The following NFIA variants were observed in gnomAD, a reference collection of about 807,000 sequenced individuals.
NFIA encodes nuclear factor I A, also known as nuclear factor 1 A-type.
Under a neutral mutation model 62.8 loss-of-function variants are expected in NFIA, and 8 were observed. The observed-to-expected ratio is 0.13, with a 90% CI of 0.07 to 0.23. The LOEUF (loss-of-function observed/expected upper bound fraction) is 0.23. Ranked by LOEUF, NFIA falls within the 10% of genes least tolerant of loss-of-function variation. The probability of loss-of-function intolerance (pLI) is 1.00; values close to 1 mark genes in which losing one functional copy is unlikely to be tolerated. For synonymous variants in NFIA, 235 were observed against 238.1 expected, an observed-to-expected ratio of 0.99 and a Z score of 0.12; for missense variants, 410 against 642.1, an observed-to-expected ratio of 0.64 and a Z score of 3.91.
chr1:61,099,792 A>T (rs1205375351), intron 2 of NFIA, among the ~76,000 whole-genome samples: 1 of 152,202 alleles, frequency 6.6e-6, no homozygotes, highest in African/African-American at 2.4e-5. Flanking sequence ...AAACTATATT[A>T]TTTAAATTAT....
chr1:61,358,379 C>T (rs55729319), intron 5 of NFIA, among the ~76,000 whole-genome samples: 5 of 52,614 alleles, frequency 9.5e-5, no homozygotes, highest in African/African-American at 1.7e-4. Context: ...TTCTTTCTTT[C>T]TTTTTTTTTT....
chr1:61,150,388 A>G (rs1472535360), intron 2 of NFIA, among the ~76,000 whole-genome samples: 1 of 152,156 alleles, frequency 6.6e-6, no homozygotes, highest in Non-Finnish European at 1.5e-5. Context: ...TTACTGTTCT[A>G]AGAAGTGTTA....
chr1:61,248,483 T>G (rs760180768), intron 2 of NFIA, among the ~76,000 whole-genome samples: 102 of 152,194 alleles, frequency 6.7e-4, no homozygotes, highest in Admixed American at 2.9e-3. Flanking sequence ...CCTTTCCTTA[T>G]GATGTGTGAT....
At chr1:61,390,156 C>T (rs182315775) in intron 7 of NFIA, among the ~76,000 whole-genome samples, 8 of 152,236 alleles carry the variant, frequency 5.3e-5, no homozygotes, top group East Asian at 1.9e-4. Flanking sequence ...TCTGGCACTA[C>T]GCAAGTCCAG....
chr1:61,153,916 A>G (rs906284520), intron 2 of NFIA, among the ~76,000 whole-genome samples: 1 of 152,178 alleles, frequency 6.6e-6, no homozygotes, highest in African/African-American at 2.4e-5. Context: ...AGCTTCCTAT[A>G]TGAGTTTACC....
intron 2 of NFIA, among the ~76,000 whole-genome samples, chr1:61,173,928 G>A (rs1010414309): frequency 6.6e-6 from 1 of 152,172 alleles, no homozygotes; most frequent in African/African-American, 2.4e-5. Flanking sequence ...AGGGTCCTTG[G>A]CATAGTGACT....
intron 7 of NFIA, among the ~76,000 whole-genome samples, chr1:61,395,274 CTG>C (rs530073174): frequency 0.012 from 1,764 of 145,306 alleles, 12 homozygotes; most frequent in Non-Finnish European, 0.018. Context: ...TGCTTATTTT[CTG>C]TGTGTGTGTG....
intron 9 of NFIA, among the ~76,000 whole-genome samples, chr1:61,421,971 A>G (rs2100548101): frequency 6.6e-6 from 1 of 152,352 alleles, no homozygotes; most frequent in East Asian, 1.9e-4. Context: ...TCTTAAAGAA[A>G]CATCAACTGG....
intron 9 of NFIA, among the ~76,000 whole-genome samples, chr1:61,419,066 G>A (rs1666485263): frequency 6.6e-6 from 1 of 152,196 alleles, no homozygotes. Flanking sequence ...GCCATCAGAA[G>A]TAAATTTAAA....
intron 2 of NFIA, among the ~76,000 whole-genome samples, chr1:61,160,117 G>T (rs561208441): frequency 1.3e-5 from 2 of 152,270 alleles, no homozygotes; most frequent in South Asian, 4.1e-4. Flanking sequence ...GAACTGTGAG[G>T]CAGGAGAAGG....
chr1:61,097,305 A>G (rs999618685), intron 2 of NFIA, among the ~76,000 whole-genome samples: 33 of 152,306 alleles, frequency 2.2e-4, no homozygotes, highest in African/African-American at 7.2e-4. Context: ...GTATTCATAT[A>G]AATTTTTAAA....
intron 2 of NFIA, among the ~76,000 whole-genome samples, chr1:61,156,649 G>C (rs575282697): frequency 7.2e-5 from 11 of 152,164 alleles, no homozygotes; most frequent in Non-Finnish European, 1.2e-4. Context: ...TAGTTCTGTC[G>C]AAAGAGACCT....
At chr1:61,308,702 GT>G (rs1422963351) in intron 3 of NFIA, among the ~76,000 whole-genome samples, 1 of 152,094 alleles carries the variant, frequency 6.6e-6, no homozygotes, top group African/African-American at 2.4e-5. Flanking sequence ...TTCTGTCTTA[GT>G]TTTCTCAGGA....
intron 2 of NFIA, among the ~76,000 whole-genome samples, chr1:61,201,917 T>A (rs1188682374): frequency 2.0e-5 from 3 of 152,140 alleles, no homozygotes; most frequent in Admixed American, 6.5e-5. Context: ...TCTTGATGAT[T>A]TTATTGAACA....
intron 2 of NFIA, among the ~76,000 whole-genome samples, chr1:61,194,753 C>A (rs577813591): frequency 6.6e-6 from 1 of 152,288 alleles, no homozygotes; most frequent in South Asian, 2.1e-4. Flanking sequence ...CAGTGCCCTT[C>A]CCACTATCCC....
At chr1:61,297,915 A>G (rs1457849366) in intron 3 of NFIA, among the ~76,000 whole-genome samples, 1 of 152,198 alleles carries the variant, frequency 6.6e-6, no homozygotes, top group African/African-American at 2.4e-5. Flanking sequence ...CCCCAAAGGC[A>G]TAGTGTGGTC....
intron 3 of NFIA, among the ~76,000 whole-genome samples, chr1:61,287,136 T>G (rs1658553961): frequency 6.6e-6 from 1 of 152,186 alleles, no homozygotes; most frequent in Admixed American, 6.5e-5. Flanking sequence ...ACAGTAGATA[T>G]GTCCTGATCC....
At chr1:61,225,331 A>G (rs1324650723) in intron 2 of NFIA, among the ~76,000 whole-genome samples, 1 of 151,824 alleles carries the variant, frequency 6.6e-6, no homozygotes, top group Non-Finnish European at 1.5e-5. Context: ...GCTCACTGCA[A>G]CCTCTGCCTC....
intron 9 of NFIA, among the ~76,000 whole-genome samples, chr1:61,411,110 C>T (rs2100532270): frequency 6.6e-6 from 1 of 152,182 alleles, no homozygotes; most frequent in Non-Finnish European, 1.5e-5. Context: ...TCCAAGGCAT[C>T]ATTTTTAATA....
Sources: gnomAD v4.1 joint callset for allele counts (sites outside exome capture counted in the v4.1 genomes callset) on GRCh38, gnomAD v4.1.1 for gene constraint, MANE v1.5 for transcripts, NCBI Gene and HGNC (gene_info 2026-07-23, HGNC 2026-07-21) for gene names.